Variants in CCDC82 observed in about 807,000 individuals in gnomAD.
CCDC82 encodes coiled-coil domain-containing protein 82.
CCDC82 carries 47 observed loss-of-function variants against 60.6 expected under a neutral mutation model. The ratio of observed to expected loss-of-function variants is 0.77; its 90% CI spans 0.61 to 0.99. CCDC82 has a LOEUF of 0.99. Among genes scored for constraint, CCDC82 ranks in the 50% least tolerant of loss-of-function variants. CCDC82 has a pLI of 0.00. For missense variants in CCDC82, 588 were observed against 633.0 expected (o/e 0.93, Z 0.76); for synonymous variants, 212 against 207.4 (o/e 1.02, Z -0.19).
chr11:96,365,910 C>A (rs1472426098), intron 7 of CCDC82, among the ~76,000 whole-genome samples: 1 of 152,200 alleles, frequency 6.6e-6, no homozygotes, highest in Non-Finnish European at 1.5e-5. Context: ...GGTTACTAAA[C>A]CACATTCATA....
chr11:96,358,666 C>CAAA, intron 9 of CCDC82: 83 of 1,084,564 alleles, frequency 7.7e-5, no homozygotes, highest in South Asian at 1.2e-4. Context: ...TATACTCTGT[C>CAAA]AAAAAAAAAA....
At chr11:96,364,870 T>C in intron 8 of CCDC82, 110 bp downstream of exon 8, 3 of 943,836 alleles carry the variant, frequency 3.2e-6, no homozygotes, top group Non-Finnish European at 4.7e-6. Flanking sequence ...TGGTGGATTA[T>C]ATGCTAAAAA....
At chr11:96,387,647 A>C (rs1866272987) in intron 1 of CCDC82, 34 bp from the exon 2 acceptor site, 1 of 152,236 alleles carries the variant, frequency 6.6e-6, no homozygotes, top group African/African-American at 2.4e-5. Flanking sequence ...GATAGTAAAA[A>C]TTAAGCCTTT....
chr11:96,381,745 A>G (rs1311690266), intron 5 of CCDC82: 1 of 151,788 alleles, frequency 6.6e-6, no homozygotes, highest in Non-Finnish European at 1.5e-5. Flanking sequence ...AATGGTTCTC[A>G]AAGTGTTTGT....
intron 5 of CCDC82, among the ~76,000 whole-genome samples, chr11:96,377,965 T>C (rs1865680568): frequency 1.3e-5 from 2 of 152,098 alleles, no homozygotes; most frequent in Non-Finnish European, 2.9e-5. Context: ...TTTTAGTACA[T>C]TCAAATTTTC....
intron 5 of CCDC82, chr11:96,381,898 T>C (rs1165449950): frequency 6.6e-6 from 1 of 151,872 alleles, no homozygotes; most frequent in Non-Finnish European, 1.5e-5. Flanking sequence ...AGCTGGCCCC[T>C]TAACTTGAAT....
chr11:96,354,444 T>C (rs868762088), intron 9 of CCDC82: 98 of 152,194 alleles, frequency 6.4e-4, no homozygotes, highest in African/African-American at 2.1e-3. Flanking sequence ...GGTTAAAGAA[T>C]TGAACAATCA....
At chr11:96,375,400 G>A (rs1326317180) in intron 5 of CCDC82, among the ~76,000 whole-genome samples, 1 of 152,074 alleles carries the variant, frequency 6.6e-6, no homozygotes, top group Non-Finnish European at 1.5e-5. Flanking sequence ...TTTTATCAAT[G>A]GATATCAGAA....
At chr11:96,355,336 A>T (rs939489596) in intron 9 of CCDC82, 1 of 152,194 alleles carries the variant, frequency 6.6e-6, no homozygotes, top group Non-Finnish European at 1.5e-5. Flanking sequence ...CTGTGACTAC[A>T]GCTGTGCACC....
At chr11:96,366,572 C>A (rs750657981) in intron 7 of CCDC82, among the ~76,000 whole-genome samples, 1 of 152,106 alleles carries the variant, frequency 6.6e-6, no homozygotes, top group Non-Finnish European at 1.5e-5. Context: ...GAGACAGTTT[C>A]CTCATCTCTA....
rs1864867978 is a variant in CCDC82, at chr11:96,365,006, C to CTA, written c.1352_1353dup (p.Asp452Ter). On this transcript the variant is annotated frameshift_variant, in exon 8 of 10. Coordinates refer to ENST00000646818, the MANE Select transcript of CCDC82 (RefSeq NM_024725.4). LOFTEE classifies it high-confidence loss of function. ...TGTTTATCATGTGACATGAAATTAT[C>CTA]TATTTGCATGGTCCTGGTGTTATAC... 2 of 1,602,674 alleles carry CTA rather than the reference C, an allele frequency of 1.2e-6. No individual in the cohort carries two copies. The highest frequency in any genetic ancestry group is 1.7e-6 in the Non-Finnish European group (2 of 1,176,426).
intron 8 of CCDC82, among the ~76,000 whole-genome samples, chr11:96,360,858 T>C (rs762049028): frequency 3.9e-5 from 6 of 152,352 alleles, no homozygotes; most frequent in Non-Finnish European, 8.8e-5. Context: ...TGTGTTTTCT[T>C]GTGAAAACTG....
chr11:96,374,570 C>T (rs1288626463), intron 5 of CCDC82, among the ~76,000 whole-genome samples: 1 of 152,094 alleles, frequency 6.6e-6, no homozygotes, highest in South Asian at 2.1e-4. Flanking sequence ...TGATCAAAGG[C>T]AATAATCATG....
rs141347770 is a variant in CCDC82 at position 96,384,212 on chromosome 11, C to T, written c.536G>A (p.Arg179Gln). 5.8e-5 allele frequency: 94 copies of T among 1,613,788 alleles called. 1 individual carries two copies. The African/African-American group carries it at 6.3e-4, about 11-fold the overall frequency. ...AGAGGATAGCCTTTTTCTTTTTCCT[C>T]GCTTGATGTCTTCTTCTTCTAAATC... is the stretch of plus-strand genomic sequence containing the variant. ...EDDLEEEDIK[R>Q]GKRKRLSSVM... Residue 179 changes from arginine (R) to glutamine (Q), a missense_variant, in exon 4 of 10, where the codon CGA (arginine) becomes CAA (glutamine). Transcript: ENST00000646818.
At chr11:96,358,422 G>C (rs976408093) in intron 9 of CCDC82, 2 of 1,227,872 alleles carry the variant, frequency 1.6e-6, no homozygotes, top group African/African-American at 3.1e-5. Context: ...CAAATTTAGT[G>C]ATCAATAGGA....
At chr11:96,381,120 A>C (rs1441432151) in intron 5 of CCDC82, 1 of 151,790 alleles carries the variant, frequency 6.6e-6, no homozygotes, top group Non-Finnish European at 1.5e-5. Flanking sequence ...AAAAACAACT[A>C]AAAGGTGTAA....
In CCDC82 at chr11:96,353,513, T is replaced by A. The variant is rs1591149880; in HGVS notation, c.*133A>T. The A allele has an allele frequency of 1.4e-6, 1 of 697,590 alleles. No individual in the cohort carries two copies. Among genetic ancestry groups the A allele is most frequent in the East Asian group, 2.6e-5 (1 of 37,922 alleles). The allele number at this position is 697,590 out of a possible 1,614,324, so 43.2% of individuals were successfully genotyped here. A position where few individuals can be genotyped will look rare whatever the true frequency, so the allele number is the denominator to read the frequency against. ...TGCCACTTCACAGGAATTAAGATAATCATGTTTTAAACAAAATATTTTGCC... is the reference window on the plus strand; with the variant it reads ...TGCCACTTCACAGGAATTAAGATAAACATGTTTTAAACAAAATATTTTGCC... On this transcript the variant is annotated 3_prime_UTR_variant, in exon 10 of 10. Transcript: ENST00000646818.
intron 5 of CCDC82, among the ~76,000 whole-genome samples, chr11:96,373,814 A>G (rs979166857): frequency 5.9e-5 from 9 of 152,226 alleles, no homozygotes; most frequent in Non-Finnish European, 1.3e-4. Flanking sequence ...ACAGAACAAG[A>G]GAGAAAACCT....
chr11:96,383,127 C>A, intron 5 of CCDC82, 142 bp downstream of exon 5: 1 of 631,274 alleles, frequency 1.6e-6, no homozygotes, highest in East Asian at 2.7e-5. Context: ...CTGGAATAAA[C>A]TATTAAACTG....
Sources: allele counts gnomAD v4.1 joint callset (sites outside exome capture counted in the v4.1 genomes callset), GRCh38; gene constraint gnomAD v4.1.1; transcripts MANE v1.5; gene names NCBI Gene and HGNC (gene_info 2026-07-23, HGNC 2026-07-21).